KHDRBS2: variants seen among roughly 807,000 people sequenced by gnomAD.
KHDRBS2 encodes KH RNA binding domain containing, signal transduction associated 2, also known as KH domain-containing, RNA-binding, signal transduction-associated protein 2.
A neutral mutation model predicts 44.3 loss-of-function variants in KHDRBS2; 26 were observed. The ratio of observed to expected loss-of-function variants is 0.59; its 90% CI spans 0.43 to 0.81. The LOEUF (loss-of-function observed/expected upper bound fraction) is 0.81, where lower values mean the gene tolerates loss of function less well. Among genes scored for constraint, KHDRBS2 ranks in the 40% least tolerant of loss-of-function variants. The probability of loss-of-function intolerance (pLI) is 0.00; values close to 1 mark genes in which losing one functional copy is unlikely to be tolerated. For missense variants in KHDRBS2, 476 were observed against 433.1 expected, an observed-to-expected ratio of 1.10 and a Z score of -0.88; for synonymous variants, 194 against 151.1, an observed-to-expected ratio of 1.28 and a Z score of -2.08.
At chr6:61,545,650 G>C in the KHDRBS2 span, among the ~76,000 whole-genome samples, 1 of 151,978 alleles carries the variant, frequency 6.6e-6, no homozygotes, top group Non-Finnish European at 1.5e-5. Flanking sequence ...GTGATAAACT[G>C]AGATCCTCTC....
At chr6:62,238,772 C>G (rs749498707) in intron 1 of KHDRBS2, among the ~76,000 whole-genome samples, 1 of 151,592 alleles carries the variant, frequency 6.6e-6, no homozygotes, top group Non-Finnish European at 1.5e-5. Flanking sequence ...TTATTTATTA[C>G]AGTGGGAAAA....
rs369402401 is a variant in KHDRBS2 at position 62,177,891 on chromosome 6, G to A, written c.92-579C>T. ...TATTCATCAATAAGACATTATATAG[G>A]TGTTTAAGAAAAATATTAGAATATT... On this transcript the variant is annotated intron_variant, in intron 1 of 8. Transcript: ENST00000281156. Among the ~76,000 whole-genome samples the A allele has an allele frequency of 2.1e-3, 325 of 151,252 alleles. 1 individual carries two copies. The highest frequency in any genetic ancestry group is 7.6e-3 in the African/African-American group (315 of 41,394).
chr6:62,060,473 G>A (rs971344331), intron 2 of KHDRBS2, among the ~76,000 whole-genome samples: 1 of 151,746 alleles, frequency 6.6e-6, no homozygotes, highest in African/African-American at 2.4e-5. Flanking sequence ...TTGAGAAAAA[G>A]TGAAATAATT....
intron 3 of KHDRBS2, among the ~76,000 whole-genome samples, chr6:62,038,892 C>A (rs1716474359): frequency 6.6e-6 from 1 of 151,930 alleles, no homozygotes; most frequent in Admixed American, 6.6e-5. Flanking sequence ...TTTTCAATAA[C>A]CATTCCCACA....
chr6:62,245,407 C>T (rs1191283390), intron 1 of KHDRBS2, among the ~76,000 whole-genome samples: 1 of 152,066 alleles, frequency 6.6e-6, no homozygotes, highest in African/African-American at 2.4e-5. Context: ...TAATTCAAAA[C>T]AGTGGCTGAA....
intron 1 of KHDRBS2, among the ~76,000 whole-genome samples, chr6:62,284,736 T>TG (rs1386993023): frequency 1.3e-5 from 2 of 152,166 alleles, no homozygotes; most frequent in East Asian, 3.8e-4. Flanking sequence ...CACTTCATTG[T>TG]TAATATAAAT....
At chr6:61,571,906 A>T in the KHDRBS2 span, among the ~76,000 whole-genome samples, 28,467 of 151,998 alleles carry the variant, frequency 0.19, 3,034 homozygotes, top group East Asian at 0.29. Flanking sequence ...TCACATCTCA[A>T]GGAATTAGAG....
intron 2 of KHDRBS2, among the ~76,000 whole-genome samples, chr6:62,155,120 C>G (rs10223780): frequency 0.56 from 85,463 of 151,838 alleles, 24,627 homozygotes; most frequent in Non-Finnish European, 0.62. Context: ...GTCTGGAAGA[C>G]AGGGGTGGCA....
the KHDRBS2 span, among the ~76,000 whole-genome samples, chr6:61,650,408 T>G: frequency 1.6e-5 from 1 of 61,278 alleles, no homozygotes; most frequent in South Asian, 5.3e-4. Context: ...TTTAAAAAAA[T>G]GTTTTTTTTT....
intron 3 of KHDRBS2, among the ~76,000 whole-genome samples, chr6:62,009,027 T>A (rs892471835): frequency 6.6e-6 from 1 of 152,058 alleles, no homozygotes; most frequent in African/African-American, 2.4e-5. Context: ...TGGAAATGGG[T>A]AACAGGCAGA....
intron 4 of KHDRBS2, among the ~76,000 whole-genome samples, chr6:61,943,895 T>C (rs988643629): frequency 6.6e-6 from 1 of 151,788 alleles, no homozygotes; most frequent in Non-Finnish European, 1.5e-5. Context: ...GACAAAGAGG[T>C]ATATAAAAAA....
chr6:62,199,800 A>C (rs1826530495), intron 1 of KHDRBS2, among the ~76,000 whole-genome samples: 1 of 152,186 alleles, frequency 6.6e-6, no homozygotes, highest in Non-Finnish European at 1.5e-5. Context: ...CAAAAGAAGA[A>C]AGATGGAGGC....
intron 7 of KHDRBS2, among the ~76,000 whole-genome samples, chr6:61,721,141 T>C (rs926084583): frequency 3.9e-5 from 6 of 152,058 alleles, no homozygotes; most frequent in Non-Finnish European, 7.4e-5. Flanking sequence ...GATCTGTATC[T>C]CTGTTTTGGT....
At chr6:62,112,676 G>A (rs1166267043) in intron 2 of KHDRBS2, among the ~76,000 whole-genome samples, 7 of 152,102 alleles carry the variant, frequency 4.6e-5, no homozygotes, top group Admixed American at 1.3e-4. Flanking sequence ...TAAAGATGGT[G>A]AATTATTTGG....
intron 5 of KHDRBS2, among the ~76,000 whole-genome samples, chr6:61,896,591 C>T (rs946424949): frequency 3.9e-5 from 6 of 152,186 alleles, no homozygotes; most frequent in African/African-American, 1.4e-4. Flanking sequence ...ATATTAACCT[C>T]ATTGTTCTCT....
Position 62,164,565 on chromosome 6 carries a change from T to A in KHDRBS2, c.219+12620A>T, listed in dbSNP as rs192506199. Among the ~76,000 whole-genome samples, 270 of 151,984 alleles carry A rather than the reference T, an allele frequency of 1.8e-3. 7 individuals are homozygous for A. In the South Asian group the frequency reaches 0.051, roughly 29 times the overall value. ...TTACTTCAAATTATCTGTCTTACAT[T>A]TATTTATATGTAAATGTATGCACAT... On this transcript the variant is annotated intron_variant, in intron 2 of 8. Coordinates refer to ENST00000281156, the MANE Select transcript of KHDRBS2 (RefSeq NM_152688.4).
chr6:61,825,950 T>C (rs769997110), intron 6 of KHDRBS2, among the ~76,000 whole-genome samples: 1 of 152,122 alleles, frequency 6.6e-6, no homozygotes, highest in Non-Finnish European at 1.5e-5. Flanking sequence ...TTAAATAACT[T>C]TGTAAGAAGC....
chr6:61,896,298 T>C (rs573419551), intron 5 of KHDRBS2, among the ~76,000 whole-genome samples: 9 of 152,180 alleles, frequency 5.9e-5, no homozygotes, highest in Non-Finnish European at 1.2e-4. Flanking sequence ...CAATAAATTA[T>C]ATGGTCACCC....
intron 4 of KHDRBS2, among the ~76,000 whole-genome samples, chr6:61,907,072 C>G (rs1309732487): frequency 1.3e-5 from 2 of 152,092 alleles, no homozygotes; most frequent in Non-Finnish European, 2.9e-5. Context: ...GCCAGCATTG[C>G]TTGTCTTTTG....
Sources: gnomAD v4.1 joint callset for allele counts (sites outside exome capture counted in the v4.1 genomes callset) on GRCh38, gnomAD v4.1.1 for gene constraint, MANE v1.5 for transcripts, NCBI Gene and HGNC (gene_info 2026-07-23, HGNC 2026-07-21) for gene names.